NELL1: variants seen among roughly 807,000 people sequenced by gnomAD.
NELL1 encodes the protein protein kinase C-binding protein NELL1.
NELL1 carries 76 observed loss-of-function variants against 107.4 expected under a neutral mutation model. The observed-to-expected ratio is 0.71, with a 90% confidence interval of 0.59 to 0.86. NELL1 has a LOEUF of 0.86. NELL1 is among the 40% of genes least tolerant of loss of function. The probability of loss-of-function intolerance (pLI) is 0.00; values close to 1 mark genes in which losing one functional copy is unlikely to be tolerated. For missense variants in NELL1, 1,024 were observed against 1,005.5 expected, an observed-to-expected ratio of 1.02 and a Z score of -0.25; for synonymous variants, 353 against 341.2, an observed-to-expected ratio of 1.03 and a Z score of -0.38.
At chr11:21,210,683 A>G (rs567144451) in intron 13 of NELL1, among the ~76,000 whole-genome samples, 3 of 152,118 alleles carry the variant, frequency 2.0e-5, no homozygotes, top group Admixed American at 6.6e-5. Context: ...GTCTTCAACA[A>G]TTTTTTGCAA....
chr11:21,491,118 A>G (rs1230370147), intron 15 of NELL1, among the ~76,000 whole-genome samples: 1 of 152,114 alleles, frequency 6.6e-6, no homozygotes, highest in Non-Finnish European at 1.5e-5. Flanking sequence ...AAATAGTCCC[A>G]TTAAAAAGTT....
chr11:21,160,872 A>G (rs892238477), intron 13 of NELL1, among the ~76,000 whole-genome samples: 2 of 152,100 alleles, frequency 1.3e-5, no homozygotes, highest in Non-Finnish European at 1.5e-5. Context: ...GTAATACTGC[A>G]ATCTCTTTAA....
At chr11:21,221,230 A>G (rs1357894110) in intron 13 of NELL1, among the ~76,000 whole-genome samples, 2 of 152,200 alleles carry the variant, frequency 1.3e-5, no homozygotes, top group Non-Finnish European at 1.5e-5. Flanking sequence ...CAAGGTAATT[A>G]CTACTTGATC....
chr11:21,115,331 AACACACACACACAC>A (rs66507806), intron 13 of NELL1, among the ~76,000 whole-genome samples: 45 of 140,706 alleles, frequency 3.2e-4, no homozygotes, highest in Admixed American at 1.3e-3. Context: ...GTCTACATCA[AACACACACACACAC>A]ACACACACAC....
chr11:20,878,636 T>G (rs1590373390), intron 4 of NELL1, among the ~76,000 whole-genome samples: 1 of 152,228 alleles, frequency 6.6e-6, no homozygotes, highest in Non-Finnish European at 1.5e-5. Context: ...CTCATCTTTA[T>G]TGACTTCATG....
chr11:20,744,668 G>A (rs1477025823), intron 2 of NELL1, among the ~76,000 whole-genome samples: 1 of 152,212 alleles, frequency 6.6e-6, no homozygotes, highest in Non-Finnish European at 1.5e-5. Context: ...GGTAGCCCAG[G>A]AGGGCAAGCC....
At chr11:21,293,333 CTCA>C (rs755981390) in intron 14 of NELL1, among the ~76,000 whole-genome samples, 2 of 152,122 alleles carry the variant, frequency 1.3e-5, no homozygotes, top group Admixed American at 6.6e-5. Context: ...ATGAAAAAAA[CTCA>C]TCATCACTGG....
intron 13 of NELL1, among the ~76,000 whole-genome samples, chr11:21,114,847 A>G (rs1455085112): frequency 6.6e-6 from 1 of 151,978 alleles, no homozygotes; most frequent in Non-Finnish European, 1.5e-5. Flanking sequence ...ACTTTTTCGG[A>G]CCAATAAACA....
chr11:20,941,874 G>A (rs1181946703), intron 10 of NELL1, among the ~76,000 whole-genome samples: 1 of 152,134 alleles, frequency 6.6e-6, no homozygotes, highest in African/African-American at 2.4e-5. Context: ...AAGTATGGAA[G>A]GAAAGGCAGG....
chr11:21,152,513 G>A (rs66774186), intron 13 of NELL1, among the ~76,000 whole-genome samples: 13,702 of 152,136 alleles, frequency 0.09, 645 homozygotes, highest in African/African-American at 0.11. Context: ...AAGGTTTTGC[G>A]GGTATTGGGG....
At chr11:20,756,487 C>G (rs1856291096) in intron 2 of NELL1, among the ~76,000 whole-genome samples, 1 of 150,530 alleles carries the variant, frequency 6.6e-6, no homozygotes, top group African/African-American at 2.4e-5. Flanking sequence ...TTATAGGCAC[C>G]TGAGATGGCG....
At chr11:21,363,150 A>G (rs1430245945) in intron 14 of NELL1, among the ~76,000 whole-genome samples, 1 of 152,134 alleles carries the variant, frequency 6.6e-6, no homozygotes, top group African/African-American at 2.4e-5. Flanking sequence ...TGCCAATTTC[A>G]GGTGAGAGCT....
chr11:21,293,820 T>A (rs1403966681), intron 14 of NELL1, among the ~76,000 whole-genome samples: 1 of 152,040 alleles, frequency 6.6e-6, no homozygotes, highest in African/African-American at 2.4e-5. Flanking sequence ...CTCAGCAAAC[T>A]AACACAAGAA....
At chr11:21,528,970 C>T (rs1855928647) in intron 15 of NELL1, among the ~76,000 whole-genome samples, 2 of 151,960 alleles carry the variant, frequency 1.3e-5, no homozygotes, top group Non-Finnish European at 2.9e-5. Context: ...GAGTTCTAAC[C>T]TGAGCACAGT....
intron 2 of NELL1, among the ~76,000 whole-genome samples, chr11:20,723,835 G>A (rs968715343): frequency 5.9e-5 from 9 of 152,184 alleles, no homozygotes; most frequent in Admixed American, 1.3e-4. Context: ...ACATCCAGGT[G>A]TTTCCATATA....
intron 12 of NELL1, among the ~76,000 whole-genome samples, chr11:21,069,941 C>T (rs550713322): frequency 2.0e-5 from 3 of 152,252 alleles, no homozygotes; most frequent in Admixed American, 6.5e-5. Flanking sequence ...ACAGTAAGTG[C>T]GCTATAAATC....
intron 13 of NELL1, among the ~76,000 whole-genome samples, chr11:21,137,390 C>T (rs1855767177): frequency 6.6e-6 from 1 of 152,140 alleles, no homozygotes; most frequent in African/African-American, 2.4e-5. Context: ...GCTAGAGGAT[C>T]ATACAGGCTC....
At chr11:21,054,562 C>T (rs10833448) in intron 12 of NELL1, among the ~76,000 whole-genome samples, 51,484 of 151,864 alleles carry the variant, frequency 0.34, 10,138 homozygotes, top group East Asian at 0.58. Flanking sequence ...TATTCCACAG[C>T]ATAGATAAGT....
At chr11:21,485,857 A>G (rs1219581506) in intron 15 of NELL1, among the ~76,000 whole-genome samples, 2 of 152,098 alleles carry the variant, frequency 1.3e-5, no homozygotes, top group Non-Finnish European at 2.9e-5. Context: ...CAGATTGCCC[A>G]GCCCAATCCA....
Sources: allele counts gnomAD v4.1 joint callset (sites outside exome capture counted in the v4.1 genomes callset), GRCh38; gene constraint gnomAD v4.1.1; transcripts MANE v1.5; gene names NCBI Gene and HGNC (gene_info 2026-07-23, HGNC 2026-07-21).